The following VPS33A variants were observed in gnomAD, a reference collection of about 807,000 sequenced individuals.
The protein encoded by VPS33A is VPS33A core subunit of CORVET and HOPS complexes.
VPS33A carries 32 observed loss-of-function variants against 71.8 expected under a neutral mutation model. The ratio of observed to expected loss-of-function variants is 0.45; its 90% CI spans 0.34 to 0.60. VPS33A has a LOEUF of 0.60. Ranked by LOEUF, VPS33A falls within the 20% of genes least tolerant of loss-of-function variation. The probability of loss-of-function intolerance (pLI) is 0.02; values close to 1 mark genes in which losing one functional copy is unlikely to be tolerated. For synonymous variants in VPS33A, 311 were observed against 292.7 expected (o/e 1.06, Z -0.64); for missense variants, 625 against 748.5 (o/e 0.84, Z 1.92).
rs907109046 is a variant in VPS33A, at chr12:122,266,465, A to G, written c.-57T>C. On this transcript the variant is annotated 5_prime_UTR_variant, in exon 1 of 13. Coordinates refer to ENST00000267199, the MANE Select transcript of VPS33A (RefSeq NM_022916.6). ...AACCGAGTCCGCCGGTTCCTACGGG[A>G]GGACCACGGACGCAGTCACGTGACC... 2.0e-5 allele frequency: 31 copies of G among 1,577,474 alleles called. No individual in the cohort carries two copies. The African/African-American group carries it at 4.2e-4, about 21-fold the overall frequency.
chr12:122,242,584 G>A (rs951828158), intron 7 of VPS33A, 76 bp from the exon 8 acceptor site: 5 of 1,475,498 alleles, frequency 3.4e-6, no homozygotes, highest in South Asian at 1.4e-5. Flanking sequence ...AAGGACTCTC[G>A]CTTTGTTGCC....
chr12:122,263,481 A>G, intron 3 of VPS33A, 91 bp downstream of exon 3: 1 of 1,437,046 alleles, frequency 7.0e-7, no homozygotes, highest in Non-Finnish European at 9.2e-7. Flanking sequence ...TTGCACTGGC[A>G]AGAGTGAGGG....
intron 10 of VPS33A, among the ~76,000 whole-genome samples, chr12:122,236,515 C>T (rs887080287): frequency 1.3e-5 from 2 of 152,144 alleles, no homozygotes; most frequent in Admixed American, 6.5e-5. Flanking sequence ...TGGCATGTAC[C>T]TGTAATCCCA....
intron 4 of VPS33A, among the ~76,000 whole-genome samples, chr12:122,255,627 C>T (rs1954906192): frequency 6.8e-6 from 1 of 146,754 alleles, no homozygotes; most frequent in African/African-American, 2.6e-5. Context: ...ATCGCTTGAA[C>T]CTGGGAGGCG....
chr12:122,260,293 T>G (rs1954975622), intron 4 of VPS33A, among the ~76,000 whole-genome samples: 1 of 145,882 alleles, frequency 6.9e-6, no homozygotes, highest in African/African-American at 2.5e-5. Flanking sequence ...AGTTTTTTTT[T>G]TTGTTTTTTG....
intron 2 of VPS33A, 80 bp from the exon 3 acceptor site, chr12:122,263,779 C>T: frequency 6.9e-7 from 1 of 1,448,194 alleles, no homozygotes; most frequent in Admixed American, 2.2e-5. Flanking sequence ...TCATAAATAC[C>T]CCCAATCAAG....
At chr12:122,262,373 A>G (rs1592933299) in intron 3 of VPS33A, among the ~76,000 whole-genome samples, 3 of 152,326 alleles carry the variant, frequency 2.0e-5, no homozygotes, top group East Asian at 3.9e-4. Context: ...CTGTGTCTCA[A>G]TAAAAACAAA....
intron 5 of VPS33A, among the ~76,000 whole-genome samples, chr12:122,250,696 T>C (rs1366313037): frequency 6.6e-6 from 1 of 152,106 alleles, no homozygotes; most frequent in East Asian, 1.9e-4. Context: ...AAAAGTACAC[T>C]TGTTTGCAGT....
intron 1 of VPS33A, chr12:122,265,648 T>C: frequency 2.3e-6 from 1 of 426,204 alleles, no homozygotes; most frequent in Non-Finnish European, 4.9e-6. Context: ...CTTGGGGTTC[T>C]GTTCTCTACA....
intron 4 of VPS33A, among the ~76,000 whole-genome samples, chr12:122,255,365 A>G (rs1325354247): frequency 6.6e-6 from 1 of 152,236 alleles, no homozygotes; most frequent in Non-Finnish European, 1.5e-5. Context: ...CTATATTACC[A>G]TCAGGTAGGA....
In VPS33A at chr12:122,242,520, AAG is replaced by A. The variant is rs763341970; in HGVS notation, c.970-14_970-13del. 8 of 1,601,390 alleles carry A rather than the reference AAG, an allele frequency of 5.0e-6. No homozygotes were observed. The Admixed American group carries it at 8.4e-5, about 17-fold the overall frequency. ...GCATTGTGTCTTTCCTGAAATAAAC[AAG>A]AGAGCAGTGCCTCAAGCAGGGAAGA... On this transcript the variant is annotated splice_polypyrimidine_tract_variant and intron_variant, in intron 7 of 12. Transcript: ENST00000267199.
chr12:122,264,211 G>T lies in VPS33A; in HGVS notation c.103-12C>A. The T allele has an allele frequency of 6.6e-7, 1 of 1,524,630 alleles. No homozygotes were observed. The highest frequency in any genetic ancestry group is 1.3e-5 in the South Asian group (1 of 76,884). 94.4% of individuals were successfully genotyped at this position (1,524,630 alleles called of 1,614,324 possible). A position where few individuals can be genotyped will look rare whatever the true frequency, so the allele number is the denominator to read the frequency against. On this transcript the variant is annotated splice_polypyrimidine_tract_variant and intron_variant, in intron 1 of 12. Transcript: ENST00000267199. Reference sequence around the variant, plus strand: ...TCCCAAACTATTGCCTGTAAGAGGGGAGAAACATTCTCTTATTATAGTTAA... The same window carrying T: ...TCCCAAACTATTGCCTGTAAGAGGGTAGAAACATTCTCTTATTATAGTTAA...
chr12:122,263,381 T>C (rs1340617898), intron 3 of VPS33A, among the ~76,000 whole-genome samples, 191 bp downstream of exon 3: 3 of 152,198 alleles, frequency 2.0e-5, no homozygotes, highest in Non-Finnish European at 4.4e-5. Context: ...CTATTTTTTG[T>C]TGTACCCATT....
rs1199967041 is a variant in VPS33A at position 122,266,276 on chromosome 12, G to A, written c.102+31C>T. The stretch of plus-strand genomic sequence containing the variant: ...TAAACCAGGCCGGACCAGGGGAGGC[G>A]AGGGCGGTGTCGCTGCCTCCCGCCC... On this transcript the variant is annotated intron_variant, in intron 1 of 12. Coordinates refer to ENST00000267199, the MANE Select transcript of VPS33A (RefSeq NM_022916.6). 10 of 1,603,820 alleles carry A rather than the reference G, an allele frequency of 6.2e-6. 1 individual carries two copies. The highest frequency in any genetic ancestry group is 5.5e-5 in the South Asian group (5 of 90,848).
chr12:122,256,767 T>C (rs1454994607), intron 4 of VPS33A, among the ~76,000 whole-genome samples: 1 of 152,070 alleles, frequency 6.6e-6, no homozygotes, highest in African/African-American at 2.4e-5. Context: ...AAAGGGCGCA[T>C]GTGCAGAGGG....
intron 3 of VPS33A, among the ~76,000 whole-genome samples, chr12:122,261,854 T>C (rs1433507796): frequency 6.6e-6 from 1 of 152,022 alleles, no homozygotes; most frequent in Non-Finnish European, 1.5e-5. Flanking sequence ...TACAAAAAAT[T>C]AGCCGGGCAT....
chr12:122,236,811 C>T (rs574936810), intron 10 of VPS33A, among the ~76,000 whole-genome samples: 32 of 152,302 alleles, frequency 2.1e-4, no homozygotes, highest in African/African-American at 6.7e-4. Context: ...CCTAAAGTCA[C>T]ACAGCTAGTG....
At position 122,242,584 on chromosome 12, in the gene VPS33A, G is replaced by C. The variant is rs951828158; in HGVS notation, c.970-76C>G. The stretch of plus-strand genomic sequence containing the variant: ...TTTTATTTTTTTGAGAAGGACTCTC[G>C]CTTTGTTGCCCAGGCTGGAGTGCAG... On this transcript the variant is annotated intron_variant, in intron 7 of 12. Coordinates refer to ENST00000267199, the MANE Select transcript of VPS33A (RefSeq NM_022916.6). The C allele has an allele frequency of 1.2e-5, 17 of 1,475,384 alleles. No homozygotes were observed. The Admixed American group carries it at 1.9e-4, about 17-fold the overall frequency. The allele number at this position is 1,475,384 out of a possible 1,614,324, so 91.4% of individuals were successfully genotyped here.
chr12:122,242,617 A>G, intron 7 of VPS33A, 109 bp from the exon 8 acceptor site: 1 of 1,359,786 alleles, frequency 7.4e-7, no homozygotes, highest in Non-Finnish European at 9.7e-7. Context: ...CAGTGGCGCA[A>G]TCTCGGCTCA....
Sources: allele counts gnomAD v4.1 joint callset (sites outside exome capture counted in the v4.1 genomes callset), GRCh38; gene constraint gnomAD v4.1.1; transcripts MANE v1.5; gene names NCBI Gene and HGNC (gene_info 2026-07-23, HGNC 2026-07-21).